Variants in ANGPTL1 observed in about 807,000 individuals in gnomAD.
ANGPTL1 encodes the protein angiopoietin like 1, also known as angiopoietin-related protein 1.
In ANGPTL1, 36 loss-of-function variants were observed where a neutral mutation model predicts 46.7. That is an observed-to-expected ratio of 0.77 (90% CI 0.59 to 1.02). The LOEUF is 1.02. ANGPTL1 is among the 50% of genes least tolerant of loss of function. The pLI is 0.00. For missense variants in ANGPTL1, 571 were observed against 594.7 expected, an observed-to-expected ratio of 0.96 and a Z score of 0.41; for synonymous variants, 221 against 204.3, an observed-to-expected ratio of 1.08 and a Z score of -0.69.
At position 178,856,169 on chromosome 1, in the gene ANGPTL1, A is replaced by G. The variant is rs554455707; in HGVS notation, c.824-2382T>C. Among the ~76,000 whole-genome samples, 351 of 139,726 alleles carry G rather than the reference A, an allele frequency of 2.5e-3. 4 individuals carry two copies. Among genetic ancestry groups the G allele is most frequent in the Admixed American group, 5.3e-3 (72 of 13,648 alleles). The allele number at this position is 139,726 out of a possible 152,430, so 91.7% of individuals were successfully genotyped here. On this transcript the variant is annotated intron_variant, in intron 3 of 5. Coordinates refer to ENST00000234816, the MANE Select transcript of ANGPTL1 (RefSeq NM_004673.4). ...GAATAGGATTGTTGAAATTTTGAGA[A>G]CTGTGTTACCTGTACTTTTCCAGAG...
intron 1 of ANGPTL1, among the ~76,000 whole-genome samples, chr1:178,870,306 T>C (rs1407249259): frequency 6.6e-6 from 1 of 152,218 alleles, no homozygotes; most frequent in Non-Finnish European, 1.5e-5. Context: ...TCCAACAGTT[T>C]ATGTATATCT....
rs763453356 is a variant in ANGPTL1, at chr1:178,853,689, A to G, written c.922T>C (p.Trp308Arg). Residue 308 changes from tryptophan to arginine, a missense_variant, in exon 4 of 6, where the codon TGG becomes CGG. By Grantham distance (101) the Trp-to-Arg change is moderately radical (BLOSUM62 -3). Transcript: ENST00000234816. ...CCAGGGTCCAAACTGTTTTCACACCATAACTGCATTGGTCCATTGCTGTTT... is the reference window on the plus strand; with the variant it reads ...CCAGGGTCCAAACTGTTTTCACACCGTAACTGCATTGGTCCATTGCTGTTT... Reference protein sequence around the residue: ...PENSNGPMQLWCENSLDPGGW... With the variant: ...PENSNGPMQLRCENSLDPGGW... 17 of 1,613,152 alleles carry G rather than the reference A, an allele frequency of 1.1e-5. No individual in the cohort carries two copies. The South Asian group carries it at 1.6e-4, about 16-fold the overall frequency.
Position 178,850,127 on chromosome 1 carries a change from C to T in ANGPTL1, c.*1002G>A, listed in dbSNP as rs1657076905. The T allele has an allele frequency of 6.6e-6, 1 of 152,654 alleles. No individual in the cohort carries two copies. Among genetic ancestry groups the T allele is most frequent in the Admixed American group, 6.5e-5 (1 of 15,270 alleles). The allele number at this position is 152,654 out of a possible 1,614,324, so 9.5% of individuals were successfully genotyped here. On this transcript the variant is annotated 3_prime_UTR_variant, in exon 6 of 6. Transcript: ENST00000234816. Reference sequence around the variant, plus strand: ...GCTTCTGCTCTGGAGCTGTTGAATTCTCAGTATCGGGAAAACAGCCAACAG... The same window carrying T: ...GCTTCTGCTCTGGAGCTGTTGAATTTTCAGTATCGGGAAAACAGCCAACAG...
intron 3 of ANGPTL1, among the ~76,000 whole-genome samples, chr1:178,859,884 T>C (rs1311788507): frequency 7.4e-6 from 1 of 136,030 alleles, no homozygotes; most frequent in Non-Finnish European, 1.6e-5. Context: ...GCCTGGCTAA[T>C]TTTTTTGTAT....
chr1:178,866,584 G>A (rs1658427061), intron 2 of ANGPTL1, among the ~76,000 whole-genome samples: 1 of 152,078 alleles, frequency 6.6e-6, no homozygotes, highest in Non-Finnish European at 1.5e-5. Flanking sequence ...TTAGTAAAAT[G>A]TTAGTAATTT....
rs1350949741 is a variant in ANGPTL1, at chr1:178,870,933, A to G, written c.-329T>C. On this transcript the variant is annotated 5_prime_UTR_variant, in exon 1 of 6. Coordinates refer to ENST00000234816, the MANE Select transcript of ANGPTL1 (RefSeq NM_004673.4). ...ACTAATCAATTGAATTTGACAAGCC[A>G]CCTATGTAATTTTAAGTAGTATAGT... 1.3e-5 allele frequency: 2 copies of G among 152,154 alleles called. No individual in the cohort carries two copies. The highest frequency in any genetic ancestry group is 2.9e-5 in the Non-Finnish European group (2 of 68,026). 9.4% of individuals were successfully genotyped at this position (152,154 alleles called of 1,614,324 possible). A position where few individuals can be genotyped will look rare whatever the true frequency, so the allele number is the denominator to read the frequency against.
At chr1:178,855,573 C>T (rs187173287) in intron 3 of ANGPTL1, among the ~76,000 whole-genome samples, 6 of 151,700 alleles carry the variant, frequency 4.0e-5, no homozygotes, top group Admixed American at 3.3e-4. Flanking sequence ...GTCTTTCCTG[C>T]GTTATATTTA....
chr1:178,856,458 T>C (rs1657593992), intron 3 of ANGPTL1, among the ~76,000 whole-genome samples: 1 of 125,424 alleles, frequency 8.0e-6, no homozygotes, highest in South Asian at 3.0e-4. Flanking sequence ...TTGCCCAGGG[T>C]GGTCTTGAAC....
At chr1:178,866,354 T>A (rs1251666522) in intron 2 of ANGPTL1, among the ~76,000 whole-genome samples, 1 of 152,180 alleles carries the variant, frequency 6.6e-6, no homozygotes, top group Non-Finnish European at 1.5e-5. Context: ...TTCAATAAAG[T>A]TAAAGATTTT....
intron 4 of ANGPTL1, 92 bp downstream of exon 4, chr1:178,853,500 CTG>C (rs1328323984): frequency 3.9e-6 from 4 of 1,028,810 alleles, no homozygotes; most frequent in Non-Finnish European, 4.1e-6. Flanking sequence ...TTATTTTTAA[CTG>C]TGTGTCTTAT....
Position 178,869,627 on chromosome 1 carries a change from A to G in ANGPTL1, c.-136-404T>C, listed in dbSNP as rs144601455. On this transcript the variant is annotated intron_variant, in intron 1 of 5. Coordinates refer to ENST00000234816, the MANE Select transcript of ANGPTL1 (RefSeq NM_004673.4). ...ATTTTGTTAGAATTTCTTGTAAAATATGTGTTTAACAGAAATCCTGCCAGC... is the reference window on the plus strand; with the variant it reads ...ATTTTGTTAGAATTTCTTGTAAAATGTGTGTTTAACAGAAATCCTGCCAGC... Among the ~76,000 whole-genome samples, 41 of 152,220 alleles carry G rather than the reference A, an allele frequency of 2.7e-4. 1 individual carries two copies. The East Asian group carries it at 3.5e-3, about 13-fold the overall frequency.
intron 3 of ANGPTL1, among the ~76,000 whole-genome samples, chr1:178,856,750 T>C (rs1259194413): frequency 6.6e-6 from 1 of 152,170 alleles, no homozygotes; most frequent in Non-Finnish European, 1.5e-5. Flanking sequence ...GTAGCTTATT[T>C]AATGTCTGCT....
chr1:178,852,581 C>G, intron 5 of ANGPTL1, 102 bp downstream of exon 5: 8 of 1,310,872 alleles, frequency 6.1e-6, no homozygotes, highest in Non-Finnish European at 8.3e-6. Context: ...GTGACCAAAA[C>G]TGACCTTTTT....
intron 4 of ANGPTL1, 121 bp downstream of exon 4, chr1:178,853,472 GA>G (rs1337921919): frequency 1.1e-6 from 1 of 905,402 alleles, no homozygotes; most frequent in East Asian, 3.0e-5. Context: ...TGTAGATAAT[GA>G]AAAAACATAT....
intron 3 of ANGPTL1, among the ~76,000 whole-genome samples, chr1:178,860,606 C>T (rs1001024633): frequency 6.6e-6 from 1 of 152,176 alleles, no homozygotes; most frequent in Non-Finnish European, 1.5e-5. Flanking sequence ...CATTCACCCT[C>T]CGCCTAACAT....
intron 3 of ANGPTL1, among the ~76,000 whole-genome samples, chr1:178,864,005 G>T (rs1435660282): frequency 6.6e-6 from 1 of 151,978 alleles, no homozygotes; most frequent in Non-Finnish European, 1.5e-5. Flanking sequence ...CGTTGCTTTG[G>T]GGCATTTGGG....
chr1:178,865,172 C>A lies in ANGPTL1; in HGVS notation c.605G>T (p.Arg202Met). 1 of 1,611,694 alleles carries A rather than the reference C, an allele frequency of 6.2e-7. No individual in the cohort carries two copies. ...MITLLEEQCL[R>M]IFSRQDTHVS... ...ATGGGTGTCTTGTCGGGAAAATATCCTCAAGCACTGTTCTTCCAACAAAGT... is the reference window on the plus strand; with the variant it reads ...ATGGGTGTCTTGTCGGGAAAATATCATCAAGCACTGTTCTTCCAACAAAGT... The change falls in exon 3 of 6, where the codon AGG becomes ATG. Residue 202 changes from arginine to methionine, a missense_variant. Arg to Met is a moderately conservative substitution (Grantham distance 91, BLOSUM62 -1). Coordinates refer to ENST00000234816, the MANE Select transcript of ANGPTL1 (RefSeq NM_004673.4).
chr1:178,852,054 C>G (rs995332105), intron 5 of ANGPTL1, among the ~76,000 whole-genome samples: 6 of 152,066 alleles, frequency 3.9e-5, no homozygotes, highest in African/African-American at 1.4e-4. Context: ...ATTCCTATGC[C>G]ACATGTCACA....
At position 178,852,607 on chromosome 1, in the gene ANGPTL1, G is replaced by A. The variant is rs979717900; in HGVS notation, c.1288+76C>T. On this transcript the variant is annotated intron_variant, in intron 5 of 5. Transcript: ENST00000234816. The stretch of plus-strand genomic sequence containing the variant: ...TGACCTTTTTGAAAAGACTTTAGTA[G>A]CATATATATTAGTAGATTCTATTTA... 5.5e-6 allele frequency: 8 copies of A among 1,459,896 alleles called. No homozygotes were observed. In the African/African-American group the frequency reaches 1.1e-4, roughly 21 times the overall value. The allele number at this position is 1,459,896 out of a possible 1,614,324, so 90.4% of individuals were successfully genotyped here.
Sources: allele counts gnomAD v4.1 joint callset (sites outside exome capture counted in the v4.1 genomes callset), GRCh38; gene constraint gnomAD v4.1.1; transcripts MANE v1.5; gene names NCBI Gene and HGNC (gene_info 2026-07-23, HGNC 2026-07-21).